Variants in KIZ observed in about 807,000 individuals in gnomAD.
KIZ encodes the protein kizuna centrosomal protein, also known as centrosomal protein kizuna.
A neutral mutation model predicts 79.6 loss-of-function variants in KIZ; 68 were observed. The ratio of observed to expected loss-of-function variants is 0.85; its 90% CI spans 0.70 to 1.05. The LOEUF is 1.05. Among genes scored for constraint, KIZ ranks in the 50% least tolerant of loss-of-function variants. The pLI, the probability that KIZ is intolerant of heterozygous loss-of-function variation, is 0.00. For synonymous variants in KIZ, 280 were observed against 281.8 expected (o/e 0.99, Z 0.06); for missense variants, 797 against 800.4 (o/e 1.00, Z 0.05).
At chr20:21,167,271 A>G (rs2033984262) in intron 6 of KIZ, among the ~76,000 whole-genome samples, 1 of 152,248 alleles carries the variant, frequency 6.6e-6, no homozygotes, top group Non-Finnish European at 1.5e-5. Context: ...CAAGGATTGC[A>G]TGGATAGAAG....
At chr20:21,196,017 G>A (rs2035329329) in intron 6 of KIZ, 1 of 152,476 alleles carries the variant, frequency 6.6e-6, no homozygotes, top group Non-Finnish European at 1.5e-5. Context: ...TCTCCTGACT[G>A]GTCTCTGGGC....
chr20:21,226,850 C>G (rs959258969), intron 9 of KIZ, among the ~76,000 whole-genome samples: 2 of 152,172 alleles, frequency 1.3e-5, no homozygotes, highest in Non-Finnish European at 2.9e-5. Flanking sequence ...CTCGGTGACT[C>G]TCCTTGGAGA....
chr20:21,206,905 A>G (rs2035849582), intron 7 of KIZ, among the ~76,000 whole-genome samples: 1 of 152,188 alleles, frequency 6.6e-6, no homozygotes, highest in Non-Finnish European at 1.5e-5. Flanking sequence ...GGAAATCATG[A>G]GGGGAGGAAC....
intron 6 of KIZ, among the ~76,000 whole-genome samples, chr20:21,202,011 G>A (rs192267243): frequency 6.6e-6 from 1 of 152,132 alleles, no homozygotes; most frequent in Non-Finnish European, 1.5e-5. Context: ...CTCATTTTCC[G>A]TTTGACTTGG....
intron 6 of KIZ, among the ~76,000 whole-genome samples, chr20:21,180,645 C>CT (rs1411678172): frequency 4.6e-5 from 7 of 152,148 alleles, no homozygotes; most frequent in African/African-American, 1.7e-4. Flanking sequence ...AGAGGAGACT[C>CT]TGAGAGTCAA....
At chr20:21,227,804 T>A (rs899689018) in intron 9 of KIZ, among the ~76,000 whole-genome samples, 2 of 152,180 alleles carry the variant, frequency 1.3e-5, no homozygotes, top group Admixed American at 1.3e-4. Context: ...TACTTTCCCC[T>A]CTGTATGCAC....
chr20:21,150,037 C>G (rs1274020798), intron 4 of KIZ, among the ~76,000 whole-genome samples: 2 of 152,170 alleles, frequency 1.3e-5, no homozygotes, highest in Non-Finnish European at 2.9e-5. Context: ...ACCTGGTGCT[C>G]AGTCCCATTG....
At chr20:21,224,767 G>T (rs2036607792) in intron 9 of KIZ, among the ~76,000 whole-genome samples, 1 of 152,150 alleles carries the variant, frequency 6.6e-6, no homozygotes, top group African/African-American at 2.4e-5. Context: ...TTGTAATGGG[G>T]TGTTAAAAGC....
chr20:21,170,005 A>G (rs1407912077), intron 6 of KIZ, among the ~76,000 whole-genome samples: 7 of 152,112 alleles, frequency 4.6e-5, no homozygotes. Context: ...GGTTTTGCCA[A>G]TTGTGAATAA....
chr20:21,126,196 GC>G lies in KIZ; in HGVS notation c.82del (p.Arg28GlyfsTer27). The G allele has an allele frequency of 6.7e-7, 1 of 1,482,480 alleles. No homozygotes were observed. Among genetic ancestry groups the G allele is most frequent in the Non-Finnish European group, 9.0e-7 (1 of 1,111,810 alleles). 91.8% of individuals were successfully genotyped at this position (1,482,480 alleles called of 1,614,324 possible). ...ERLGQLQHGL[R>X]DSEKKRLDLE... ...GGCTGGGCCAACTCCAGCACGGGCT[GC>G]GGGACAGGTAAGGGCACTGGGGCGG... On this transcript the variant is annotated frameshift_variant, in exon 1 of 13. Transcript: ENST00000619189. LOFTEE classifies it high-confidence loss of function.
intron 6 of KIZ, among the ~76,000 whole-genome samples, chr20:21,200,742 C>T (rs2073770776): frequency 6.6e-6 from 1 of 152,116 alleles, no homozygotes; most frequent in African/African-American, 2.4e-5. Flanking sequence ...CGTATCAGTA[C>T]CAGTCCTTGG....
chr20:21,170,086 G>A (rs1017608099), intron 6 of KIZ, among the ~76,000 whole-genome samples: 6 of 152,096 alleles, frequency 3.9e-5, no homozygotes, highest in African/African-American at 7.2e-5. Context: ...AAATACCAAG[G>A]AGTGTCATTG....
At chr20:21,160,457 G>A (rs1236688745) in intron 4 of KIZ, among the ~76,000 whole-genome samples, 2 of 152,086 alleles carry the variant, frequency 1.3e-5, no homozygotes, top group African/African-American at 2.4e-5. Flanking sequence ...CTTCTACCAT[G>A]TAAGGACACG....
intron 6 of KIZ, among the ~76,000 whole-genome samples, chr20:21,174,052 G>A (rs1373994300): frequency 6.6e-6 from 1 of 152,180 alleles, no homozygotes; most frequent in African/African-American, 2.4e-5. Context: ...CCAGGAGGGT[G>A]TTGTGCTGCA....
chr20:21,127,080 T>G (rs2031529278), intron 1 of KIZ, among the ~76,000 whole-genome samples: 2 of 152,182 alleles, frequency 1.3e-5, no homozygotes, highest in African/African-American at 4.8e-5. Context: ...TAACAATAAT[T>G]ACATGGAAAA....
chr20:21,230,765 G>T (rs2036808783), intron 10 of KIZ, among the ~76,000 whole-genome samples: 2 of 152,148 alleles, frequency 1.3e-5, no homozygotes, highest in Non-Finnish European at 2.9e-5. Flanking sequence ...TATAAAACAG[G>T]GCCTCTGTCC....
chr20:21,232,602 T>G (rs2036869926), intron 10 of KIZ, 132 bp from the exon 11 acceptor site: 1 of 599,286 alleles, frequency 1.7e-6, no homozygotes, highest in South Asian at 2.1e-5. Context: ...CTCCCTTGCC[T>G]TCTGTGGCTT....
intron 3 of KIZ, chr20:21,144,257 G>A (rs1038715425): frequency 6.6e-6 from 1 of 152,064 alleles, no homozygotes; most frequent in African/African-American, 2.4e-5. Flanking sequence ...CTCAAAGAGC[G>A]TAAGAAAACA....
At chr20:21,168,071 C>T (rs1454081081) in intron 6 of KIZ, among the ~76,000 whole-genome samples, 1 of 152,120 alleles carries the variant, frequency 6.6e-6, no homozygotes, top group East Asian at 1.9e-4. Flanking sequence ...TCCCTCCCCA[C>T]TCCCCTACCC....
Sources: allele counts gnomAD v4.1 joint callset (sites outside exome capture counted in the v4.1 genomes callset), GRCh38; gene constraint gnomAD v4.1.1; transcripts MANE v1.5; gene names NCBI Gene and HGNC (gene_info 2026-07-23, HGNC 2026-07-21).